The following NRG1 variants were observed in gnomAD, a reference collection of about 807,000 sequenced individuals.
NRG1 encodes the protein neuregulin 1, also known as pro-neuregulin-1, membrane-bound isoform.
A neutral mutation model predicts 63.8 loss-of-function variants in NRG1; 18 were observed. That is an observed-to-expected ratio of 0.28 (90% CI 0.19 to 0.42). The LOEUF is 0.42. Ranked by LOEUF, NRG1 falls within the 10% of genes least tolerant of loss-of-function variation. The pLI, the probability that NRG1 is intolerant of heterozygous loss-of-function variation, is 1.00. For missense variants in NRG1, 762 were observed against 814.7 expected (o/e 0.94, Z 0.79); for synonymous variants, 302 against 301.3 (o/e 1.00, Z -0.02).
At chr8:31,720,378 T>C (rs1812789220) in intron 1 of NRG1, among the ~76,000 whole-genome samples, 1 of 152,196 alleles carries the variant, frequency 6.6e-6, no homozygotes, top group South Asian at 2.1e-4. Context: ...GTTTGTTACA[T>C]ACGTAAACAT....
chr8:32,259,127 C>T (rs921621208), intron 1 of NRG1, among the ~76,000 whole-genome samples: 2 of 152,162 alleles, frequency 1.3e-5, no homozygotes, highest in African/African-American at 4.8e-5. Context: ...TAACTTGAGA[C>T]TTACCTTCCA....
chr8:32,744,024 T>C (rs1826978581), intron 7 of NRG1, among the ~76,000 whole-genome samples: 2 of 152,062 alleles, frequency 1.3e-5, no homozygotes, highest in African/African-American at 2.4e-5. Context: ...CAACCACTGA[T>C]TTAGATTGTC....
chr8:31,687,395 T>C (rs1472788406), intron 1 of NRG1, among the ~76,000 whole-genome samples: 1 of 152,180 alleles, frequency 6.6e-6, no homozygotes, highest in East Asian at 1.9e-4. Context: ...AAACAAGACA[T>C]ATTCTTATTG....
intron 1 of NRG1, among the ~76,000 whole-genome samples, chr8:31,999,898 G>A (rs895993929): frequency 3.2e-4 from 48 of 151,858 alleles, no homozygotes; most frequent in Non-Finnish European, 7.4e-5. Flanking sequence ...AAGTCTAAAT[G>A]GGATTGTGGA....
At chr8:32,556,971 A>G (rs1835289193) in intron 1 of NRG1, among the ~76,000 whole-genome samples, 1 of 152,160 alleles carries the variant, frequency 6.6e-6, no homozygotes, top group South Asian at 2.1e-4. Context: ...ACAATTTTTC[A>G]TTTGTGTATC....
intron 1 of NRG1, among the ~76,000 whole-genome samples, chr8:31,756,457 G>A (rs1816974370): frequency 6.6e-6 from 1 of 152,056 alleles, no homozygotes; most frequent in African/African-American, 2.4e-5. Flanking sequence ...AGCTGACCCT[G>A]TTGACTGAGG....
intron 5 of NRG1, among the ~76,000 whole-genome samples, chr8:32,720,268 A>G (rs1441638465): frequency 6.6e-6 from 1 of 152,128 alleles, no homozygotes; most frequent in African/African-American, 2.4e-5. Context: ...TGACAGGTTA[A>G]CATTTTCTAC....
chr8:32,763,996 C>G, exon 12 of NRG1: 1 of 1,614,072 alleles, frequency 6.2e-7, no homozygotes, highest in Non-Finnish European at 8.5e-7. Flanking sequence ...CACAACCCCG[C>G]GCATGACAGT....
At chr8:32,279,860 A>G (rs770480402) in intron 1 of NRG1, among the ~76,000 whole-genome samples, 1 of 152,144 alleles carries the variant, frequency 6.6e-6, no homozygotes, top group Non-Finnish European at 1.5e-5. Flanking sequence ...GGGTAACACA[A>G]TTAAGGAACT....
chr8:32,426,547 T>C (rs901265545), intron 1 of NRG1, among the ~76,000 whole-genome samples: 6 of 152,188 alleles, frequency 3.9e-5, no homozygotes, highest in Admixed American at 6.5e-5. Context: ...TGTTAAGTAG[T>C]AGACATTCTC....
At chr8:32,596,587 G>A (rs1479769903) in intron 2 of NRG1, among the ~76,000 whole-genome samples, 1 of 125,276 alleles carries the variant, frequency 8.0e-6, no homozygotes, top group South Asian at 3.0e-4. Flanking sequence ...GCAACAGAGC[G>A]AGACTCCATC....
chr8:32,198,696 A>G (rs1034283919), intron 1 of NRG1, among the ~76,000 whole-genome samples: 2 of 152,144 alleles, frequency 1.3e-5, no homozygotes, highest in African/African-American at 4.8e-5. Context: ...CAAGTTTTTG[A>G]GGTCAATCTC....
chr8:31,874,960 TAAC>T (rs541194758), intron 1 of NRG1, among the ~76,000 whole-genome samples: 128 of 152,292 alleles, frequency 8.4e-4, no homozygotes, highest in African/African-American at 2.9e-3. Context: ...ATCAAGCAAA[TAAC>T]AACCAAGAAT....
At chr8:31,797,410 C>T (rs1184599542) in intron 1 of NRG1, among the ~76,000 whole-genome samples, 2 of 152,114 alleles carry the variant, frequency 1.3e-5, no homozygotes, top group Admixed American at 6.5e-5. Flanking sequence ...AAAGACCCAG[C>T]AATACCTTGT....
At chr8:32,339,170 G>T (rs753224990) in intron 1 of NRG1, among the ~76,000 whole-genome samples, 3 of 152,032 alleles carry the variant, frequency 2.0e-5, no homozygotes, top group African/African-American at 2.4e-5. Context: ...TCTCCCTAAA[G>T]TGGTCTACTT....
In NRG1 at chr8:32,366,677, G is replaced by GTGTATATATATA. The variant is rs1164696498; in HGVS notation, c.38-229150_38-229149insGTATATATATAT. Among the ~76,000 whole-genome samples the GTGTATATATATA allele has an allele frequency of 3.5e-3, 307 of 87,182 alleles. 1 individual carries two copies. The highest frequency in any genetic ancestry group is 5.7e-3 in the East Asian group (16 of 2,804). 57.2% of individuals were successfully genotyped at this position (87,182 alleles called of 152,430 possible). On this transcript the variant is annotated intron_variant, in intron 1 of 10. Coordinates refer to the NRG1 transcript ENST00000519301. The stretch of plus-strand genomic sequence containing the variant: ...ATTGTGTGTGTGTGTGTGTGTGTGT[G>GTGTATATATATA]TATATATATATATATATATATATAT...
chr8:32,709,796 G>A (rs1473198151), intron 5 of NRG1, among the ~76,000 whole-genome samples: 1 of 152,096 alleles, frequency 6.6e-6, no homozygotes, highest in East Asian at 1.9e-4. Context: ...TTTTAAATGA[G>A]TGAAGATAAG....
Position 31,826,498 on chromosome 8 carries a change from T to A in NRG1, c.37+187067T>A, listed in dbSNP as rs369832554. Among the ~76,000 whole-genome samples, 28 of 152,342 alleles carry A rather than the reference T, an allele frequency of 1.8e-4. 1 individual carries two copies. The highest frequency in any genetic ancestry group is 6.5e-4 in the African/African-American group (27 of 41,574). The stretch of plus-strand genomic sequence containing the variant: ...CCTCCTTCGTCTTCCGCCATAATTG[T>A]GAGGCCTCCCCAGCCATGTGGAATT... On this transcript the variant is annotated intron_variant, in intron 1 of 10. Transcript: ENST00000519301.
chr8:32,413,502 T>G (rs2129485620), intron 1 of NRG1, among the ~76,000 whole-genome samples: 1 of 152,276 alleles, frequency 6.6e-6, no homozygotes. Context: ...AGATAAAAAC[T>G]AAGAAAACCT....
Sources: allele counts gnomAD v4.1 joint callset (sites outside exome capture counted in the v4.1 genomes callset), GRCh38; gene constraint gnomAD v4.1.1; transcripts MANE v1.5; gene names NCBI Gene and HGNC (gene_info 2026-07-23, HGNC 2026-07-21).